COPS4: variants seen among roughly 807,000 people sequenced by gnomAD.
COPS4 encodes COP9 signalosome subunit 4, also known as COP9 signalosome complex subunit 4.
In COPS4, 8 loss-of-function variants were observed where a neutral mutation model predicts 55.1. That is an observed-to-expected ratio of 0.15 (90% confidence interval 0.09 to 0.26). COPS4 has a LOEUF of 0.26. Ranked by LOEUF, COPS4 falls within the 10% of genes least tolerant of loss-of-function variation. The pLI is 1.00. For synonymous variants in COPS4, 185 were observed against 165.7 expected, an observed-to-expected ratio of 1.12 and a Z score of -0.90; for missense variants, 248 against 484.0, an observed-to-expected ratio of 0.51 and a Z score of 4.58.
At chr4:83,051,748 A>G (rs894183998) in intron 4 of COPS4, among the ~76,000 whole-genome samples, 8 of 152,242 alleles carry the variant, frequency 5.3e-5, no homozygotes, top group South Asian at 2.1e-4. Flanking sequence ...AGTTATTGAC[A>G]TATAGATGAA....
chr4:83,036,268 C>G (rs1172767751), intron 1 of COPS4, among the ~76,000 whole-genome samples: 2 of 135,622 alleles, frequency 1.5e-5, no homozygotes, highest in Non-Finnish European at 3.2e-5. Context: ...ACCCCCCCCC[C>G]CGCCGCCACC....
chr4:83,062,947 T>C, intron 6 of COPS4, 129 bp from the exon 7 acceptor site: 1 of 742,938 alleles, frequency 1.3e-6, no homozygotes. Flanking sequence ...AGACCATAAT[T>C]ACCATGAATA....
At chr4:83,062,865 C>T (rs1257318614) in intron 6 of COPS4, 4 of 412,402 alleles carry the variant, frequency 9.7e-6, no homozygotes, top group Non-Finnish European at 1.7e-5. Flanking sequence ...CAGATGCTCA[C>T]AGGAACCTAG....
chr4:83,040,283 A>G (rs1730526683), intron 1 of COPS4, among the ~76,000 whole-genome samples: 2 of 152,308 alleles, frequency 1.3e-5, no homozygotes, highest in East Asian at 1.9e-4. Flanking sequence ...GCATAATTGT[A>G]TCATGCTCTT....
intron 9 of COPS4, among the ~76,000 whole-genome samples, chr4:83,071,093 T>A (rs1045806168): frequency 6.6e-6 from 1 of 152,238 alleles, no homozygotes; most frequent in South Asian, 2.1e-4. Context: ...AAATTATATA[T>A]TCTCATGTCA....
chr4:83,063,933 C>G (rs1255666981), intron 7 of COPS4, among the ~76,000 whole-genome samples: 1 of 152,148 alleles, frequency 6.6e-6, no homozygotes, highest in East Asian at 1.9e-4. Context: ...CTCCTGACCT[C>G]AGGTGATTCG....
chr4:83,057,778 C>T (rs561870247), intron 6 of COPS4, among the ~76,000 whole-genome samples: 73 of 151,620 alleles, frequency 4.8e-4, no homozygotes, highest in African/African-American at 1.7e-3. Context: ...AAAAATTAGC[C>T]GGGCGTGGTG....
chr4:83,038,236 C>T (rs1730475080), intron 1 of COPS4, among the ~76,000 whole-genome samples: 2 of 152,220 alleles, frequency 1.3e-5, no homozygotes, highest in African/African-American at 2.4e-5. Context: ...TCAATAACAT[C>T]TAGAGTTTAC....
intron 6 of COPS4, 48 bp downstream of exon 6, chr4:83,057,456 A>G (rs1731045043): frequency 6.8e-7 from 1 of 1,478,478 alleles, no homozygotes; most frequent in Non-Finnish European, 9.0e-7. Flanking sequence ...TCTTTGCTTA[A>G]TAACTTTAGG....
intron 9 of COPS4, chr4:83,073,184 C>T (rs1004208042): frequency 3.1e-6 from 2 of 645,798 alleles, no homozygotes; most frequent in East Asian, 2.7e-5. Flanking sequence ...AGCAGTTACT[C>T]TCCATTCCTT....
At chr4:83,059,977 A>C (rs1428558730) in intron 6 of COPS4, among the ~76,000 whole-genome samples, 1 of 152,114 alleles carries the variant, frequency 6.6e-6, no homozygotes, top group East Asian at 1.9e-4. Flanking sequence ...CTGGGATTAC[A>C]GGTGTGAGCC....
rs978900966 is a variant in COPS4, at chr4:83,073,316, C to T, written c.1088-1981C>T. On this transcript the variant is annotated intron_variant, in intron 9 of 9. Transcript: ENST00000264389. Reference sequence around the variant, plus strand: ...ATGTGACCTTTTGGCTGATTCCACTCAGCATAGTATCTTTAGGGTTCATCC... The same window carrying T: ...ATGTGACCTTTTGGCTGATTCCACTTAGCATAGTATCTTTAGGGTTCATCC... The T allele has an allele frequency of 1.1e-5, 8 of 696,642 alleles. No homozygotes were observed. The African/African-American group carries it at 1.4e-4, about 12-fold the overall frequency. The allele number at this position is 696,642 out of a possible 1,614,324, so 43.2% of individuals were successfully genotyped here. A position where few individuals can be genotyped will look rare whatever the true frequency, so the allele number is the denominator to read the frequency against.
chr4:83,061,447 GTCT>G (rs1351998449), intron 6 of COPS4, among the ~76,000 whole-genome samples: 1 of 151,872 alleles, frequency 6.6e-6, no homozygotes, highest in African/African-American at 2.4e-5. Context: ...ATTCATTCTT[GTCT>G]TCTTTTGCTC....
intron 2 of COPS4, 27 bp downstream of exon 2, chr4:83,045,732 GC>G (rs1560435906): frequency 6.6e-7 from 1 of 1,519,504 alleles, no homozygotes; most frequent in East Asian, 2.3e-5. Context: ...TTTCATGCTT[GC>G]CTTGTATTAC....
In COPS4 at chr4:83,066,514, C is replaced by T. The variant is rs1731297358; in HGVS notation, c.963C>T (p.Phe321=). The change falls in exon 8 of 10, where the codon TTC becomes TTT. Residue 321 remains phenylalanine, a synonymous_variant. Coordinates refer to ENST00000264389, the MANE Select transcript of COPS4 (RefSeq NM_016129.3). ...SASKLYNNIT[F]EELGALLEIP... is the part of the protein sequence containing the mutation. Reference sequence around the variant, plus strand: ...GCAAATTATATAATAATATTACCTTCGAAGAACTTGGAGCTCTTTTAGAGA... The same window carrying T: ...GCAAATTATATAATAATATTACCTTTGAAGAACTTGGAGCTCTTTTAGAGA... The T allele has an allele frequency of 5.0e-6, 8 of 1,598,492 alleles. No individual in the cohort carries two copies. Among genetic ancestry groups the T allele is most frequent in the Admixed American group, 1.7e-5 (1 of 58,468 alleles).
intron 2 of COPS4, among the ~76,000 whole-genome samples, chr4:83,048,475 G>C (rs1334027663): frequency 6.6e-6 from 1 of 151,870 alleles, no homozygotes; most frequent in Non-Finnish European, 1.5e-5. Flanking sequence ...CTCCTTTTTG[G>C]AACAAGGTAG....
At chr4:83,040,415 T>A (rs1428484571) in intron 1 of COPS4, among the ~76,000 whole-genome samples, 1 of 152,216 alleles carries the variant, frequency 6.6e-6, no homozygotes, top group Non-Finnish European at 1.5e-5. Flanking sequence ...GGCTTCAGAA[T>A]TTTTTTGGTT....
chr4:83,036,997 TTAAC>T (rs1257703629), intron 1 of COPS4, among the ~76,000 whole-genome samples: 2 of 152,198 alleles, frequency 1.3e-5, no homozygotes, highest in African/African-American at 4.8e-5. Flanking sequence ...AACCAAAAAC[TTAAC>T]CAGTGTAAAA....
intron 1 of COPS4, among the ~76,000 whole-genome samples, chr4:83,042,215 C>T: frequency 6.6e-6 from 1 of 152,236 alleles, no homozygotes; most frequent in South Asian, 2.1e-4. Context: ...TAATCTTCCC[C>T]TTTGTCTTCT....
Sources: gnomAD v4.1 joint callset for allele counts (sites outside exome capture counted in the v4.1 genomes callset) on GRCh38, gnomAD v4.1.1 for gene constraint, MANE v1.5 for transcripts, NCBI Gene and HGNC (gene_info 2026-07-23, HGNC 2026-07-21) for gene names.